Variants in GABRG1 observed in about 807,000 individuals in gnomAD.
GABRG1 encodes gamma-aminobutyric acid type A receptor subunit gamma1, also known as gamma-aminobutyric acid receptor subunit gamma-1.
In GABRG1, 49 loss-of-function variants were observed where a neutral mutation model predicts 49.8. That is an observed-to-expected ratio of 0.98 (90% CI 0.78 to 1.25). The LOEUF is 1.25. Among genes scored for constraint, GABRG1 ranks in the 50% most tolerant of loss-of-function variants. The pLI, the probability that GABRG1 is intolerant of heterozygous loss-of-function variation, is 0.00. For synonymous variants in GABRG1, 232 were observed against 185.1 expected, an observed-to-expected ratio of 1.25 and a Z score of -2.06; for missense variants, 552 against 552.3, an observed-to-expected ratio of 1.00 and a Z score of 0.01.
At chr4:46,097,376 T>C (rs754803655) in intron 1 of GABRG1, 27 bp from the exon 2 acceptor site, 1 of 1,584,858 alleles carries the variant, frequency 6.3e-7, no homozygotes, top group African/African-American at 1.4e-5. Context: ...AAAAAATGGA[T>C]GGTAGAAGGT....
At chr4:46,051,733 T>C (rs1560349917) in intron 7 of GABRG1, 95 bp from the exon 8 acceptor site, 5 of 701,418 alleles carry the variant, frequency 7.1e-6, no homozygotes, top group East Asian at 5.6e-5. Context: ...AATTAAACAA[T>C]AGAAACAAAA....
chr4:46,070,417 G>C (rs887443268), intron 3 of GABRG1, among the ~76,000 whole-genome samples: 1 of 151,728 alleles, frequency 6.6e-6, no homozygotes. Flanking sequence ...CAATCTGTAG[G>C]GTTTTATAAA....
intron 5 of GABRG1, among the ~76,000 whole-genome samples, chr4:46,059,630 C>T (rs749134212): frequency 2.6e-5 from 4 of 151,926 alleles, no homozygotes; most frequent in Non-Finnish European, 5.9e-5. Context: ...CCAGGCTATT[C>T]TCGAACCCCT....
chr4:46,069,688 C>T (rs138322619), intron 3 of GABRG1, among the ~76,000 whole-genome samples: 124 of 152,172 alleles, frequency 8.1e-4, no homozygotes, highest in African/African-American at 2.7e-3. Flanking sequence ...CACATAGCAT[C>T]GTGTGCATTC....
At chr4:46,093,819 T>G (rs544927386) in intron 2 of GABRG1, among the ~76,000 whole-genome samples, 1 of 151,942 alleles carries the variant, frequency 6.6e-6, no homozygotes. Flanking sequence ...TCAATATGTA[T>G]AAAGCAAAAT....
chr4:46,100,707 GA>G (rs33924854), intron 1 of GABRG1, among the ~76,000 whole-genome samples: 87 of 127,044 alleles, frequency 6.8e-4, no homozygotes, highest in African/African-American at 2.2e-3. Flanking sequence ...GAAGATTTTA[GA>G]AAAAAAAAAA....
rs1336747769 is a variant in GABRG1 at position 46,099,179 on chromosome 4, ACTC to A, written c.105-1833_105-1831del. 2.0e-5 allele frequency among the ~76,000 whole-genome samples: 3 copies of A among 151,594 alleles called. No homozygotes were observed. In the East Asian group the frequency reaches 5.9e-4, roughly 30 times the overall value. On this transcript the variant is annotated intron_variant, in intron 1 of 8. Transcript: ENST00000295452. ...TTTTAACTTGTCTGTAATTTGCAAT[ACTC>A]CTTCCAGCAGGAGGATTATACATCC...
Position 46,051,400 on chromosome 4 carries a change from T to C in GABRG1, c.1131+24A>G, listed in dbSNP as rs117242824. On this transcript the variant is annotated intron_variant, in intron 8 of 8. Transcript: ENST00000295452. Reference sequence around the variant, plus strand: ...TCTAAGTAAGTTGAGGTTTATAAAATAGAAATTTTTCTTTTTAACATACCG... The same window carrying C: ...TCTAAGTAAGTTGAGGTTTATAAAACAGAAATTTTTCTTTTTAACATACCG... 1.5e-4 allele frequency: 221 copies of C among 1,520,330 alleles called. 1 individual carries two copies. The East Asian group carries it at 3.9e-3, about 27-fold the overall frequency. 94.2% of individuals were successfully genotyped at this position (1,520,330 alleles called of 1,614,324 possible).
intron 3 of GABRG1, among the ~76,000 whole-genome samples, chr4:46,080,697 T>G (rs1170357168): frequency 6.6e-6 from 1 of 151,870 alleles, no homozygotes; most frequent in African/African-American, 2.4e-5. Context: ...TCCTTGAATC[T>G]TGTTTCTCTT....
At chr4:46,049,223 T>C (rs779566763) in intron 8 of GABRG1, among the ~76,000 whole-genome samples, 1 of 151,634 alleles carries the variant, frequency 6.6e-6, no homozygotes, top group Non-Finnish European at 1.5e-5. Context: ...CAAAGAAAAA[T>C]GTGGATTCCA....
chr4:46,065,627 T>C (rs886730496), intron 3 of GABRG1, 43 bp from the exon 4 acceptor site: 7 of 874,802 alleles, frequency 8.0e-6, no homozygotes, highest in Non-Finnish European at 1.1e-5. Flanking sequence ...AAAGCTACTA[T>C]TTTAGTTGTT....
chr4:46,056,124 G>GAAAAAA (rs1169065450), intron 7 of GABRG1, among the ~76,000 whole-genome samples: 1 of 7,648 alleles, frequency 1.3e-4, no homozygotes, highest in Non-Finnish European at 2.1e-4. Flanking sequence ...AAAAAGAAAG[G>GAAAAAA]AAAAAAAAAA....
intron 3 of GABRG1, among the ~76,000 whole-genome samples, chr4:46,080,230 G>A (rs911221840): frequency 6.6e-6 from 1 of 151,568 alleles, no homozygotes; most frequent in African/African-American, 2.4e-5. Context: ...TTTCTTACTG[G>A]TCACTTAAAT....
chr4:46,051,607 C>A lies in GABRG1; in HGVS notation c.948G>T (p.Leu316=). The change falls in exon 8 of 9, where the codon CTG becomes CTT. Residue 316 remains leucine (L), a synonymous_variant. Coordinates refer to ENST00000295452, the MANE Select transcript of GABRG1 (RefSeq NM_173536.4). ...GITTVLTMTT[L]STIARKSLPK... ...GTAAAGACTTCCTGGCAATTGTACTCAGGGTTGTCATAGTCAGAACTGTAG... is the reference window on the plus strand; with the variant it reads ...GTAAAGACTTCCTGGCAATTGTACTAAGGGTTGTCATAGTCAGAACTGTAG... 1 of 1,610,428 alleles carries A rather than the reference C, an allele frequency of 6.2e-7. No homozygotes were observed. Among genetic ancestry groups the A allele is most frequent in the South Asian group, 1.1e-5 (1 of 90,996 alleles).
intron 8 of GABRG1, among the ~76,000 whole-genome samples, chr4:46,048,729 A>AT (rs1718099910): frequency 6.6e-6 from 1 of 151,822 alleles, no homozygotes; most frequent in African/African-American, 2.4e-5. Context: ...GAAAGCGAGC[A>AT]AAAAAGACAA....
intron 3 of GABRG1, among the ~76,000 whole-genome samples, 175 bp downstream of exon 3, chr4:46,083,811 T>C (rs1719658951): frequency 1.3e-5 from 2 of 151,686 alleles, no homozygotes; most frequent in Non-Finnish European, 3.0e-5. Flanking sequence ...TACAGATTCT[T>C]AGATACAGGT....
At chr4:46,070,561 A>G (rs549751598) in intron 3 of GABRG1, among the ~76,000 whole-genome samples, 1 of 152,136 alleles carries the variant, frequency 6.6e-6, no homozygotes, top group Non-Finnish European at 1.5e-5. Context: ...GTGAGCTTGT[A>G]TTAGTAAAGG....
chr4:46,040,983 A>T lies in GABRG1; in HGVS notation c.*5T>A. ...TTCTTTTGATTTTTGCTTATGAAGT[A>T]GATTTTATAAGTAAAGATAGCCAAC... On this transcript the variant is annotated 3_prime_UTR_variant, in exon 9 of 9. Coordinates refer to ENST00000295452, the MANE Select transcript of GABRG1 (RefSeq NM_173536.4). 2 of 1,603,654 alleles carry T rather than the reference A, an allele frequency of 1.2e-6. No homozygotes were observed. Among genetic ancestry groups the T allele is most frequent in the East Asian group, 2.2e-5 (1 of 44,718 alleles).
intron 5 of GABRG1, among the ~76,000 whole-genome samples, chr4:46,061,959 C>T (rs1275650244): frequency 6.6e-6 from 1 of 151,258 alleles, no homozygotes. Context: ...ATGTGCCATG[C>T]TGGTGTGCTG....
Sources: gnomAD v4.1 joint callset for allele counts (sites outside exome capture counted in the v4.1 genomes callset) on GRCh38, gnomAD v4.1.1 for gene constraint, MANE v1.5 for transcripts, NCBI Gene and HGNC (gene_info 2026-07-23, HGNC 2026-07-21) for gene names.